The following RYK variants were observed in gnomAD, a reference collection of about 807,000 sequenced individuals.
The protein encoded by RYK is receptor like tyrosine kinase, also known as inactive tyrosine-protein kinase RYK.
In RYK, 21 loss-of-function variants were observed where a neutral mutation model predicts 70.2. That is an observed-to-expected ratio of 0.30 (90% CI 0.21 to 0.43). The LOEUF is 0.43. RYK is among the 20% of genes least tolerant of loss of function. The probability of loss-of-function intolerance (pLI) is 1.00; values close to 1 mark genes in which losing one functional copy is unlikely to be tolerated. For synonymous variants in RYK, 267 were observed against 278.0 expected (o/e 0.96, Z 0.39); for missense variants, 604 against 753.3 (o/e 0.80, Z 2.32).
In RYK at chr3:134,196,582, AACACACACACACACACACACACAC is replaced by A. The variant is rs57185535; in HGVS notation, c.789-1424_789-1401del. ...TAGTGAGACCCTGTCTCTGAAACAA[AACACACACACACACACACACACAC>A]ACACACACACACACACACACACGGC... On this transcript the variant is annotated intron_variant, in intron 6 of 14. Transcript: ENST00000623711. 9.3e-5 allele frequency among the ~76,000 whole-genome samples: 12 copies of A among 128,496 alleles called. 1 individual carries two copies. Among genetic ancestry groups the A allele is most frequent in the Admixed American group, 5.4e-4 (7 of 12,936 alleles). The allele number at this position is 128,496 out of a possible 152,430, so 84.3% of individuals were successfully genotyped here. A position where few individuals can be genotyped will look rare whatever the true frequency, so the allele number is the denominator to read the frequency against.
At chr3:134,200,822 G>C (rs2013988250) in intron 6 of RYK, among the ~76,000 whole-genome samples, 1 of 152,318 alleles carries the variant, frequency 6.6e-6, no homozygotes, top group Non-Finnish European at 1.5e-5. Context: ...ACTAGACTAT[G>C]CTCTGAAAAC....
At chr3:134,250,040 C>G (rs935015761) in intron 1 of RYK, among the ~76,000 whole-genome samples, 2 of 147,772 alleles carry the variant, frequency 1.4e-5, no homozygotes, top group Non-Finnish European at 3.0e-5. Flanking sequence ...TCGAGATATT[C>G]AAAATCGAGG....
intron 2 of RYK, among the ~76,000 whole-genome samples, chr3:134,219,784 G>C (rs745486115): frequency 6.6e-6 from 1 of 152,170 alleles, no homozygotes; most frequent in Non-Finnish European, 1.5e-5. Context: ...TGGTTATCCA[G>C]TGTAGGTCTG....
intron 1 of RYK, among the ~76,000 whole-genome samples, chr3:134,247,121 T>TA (rs368784462): frequency 2.3e-4 from 35 of 152,038 alleles, no homozygotes; most frequent in African/African-American, 8.0e-4. Context: ...CAAAAATGTA[T>TA]AAAAAAAATC....
intron 6 of RYK, chr3:134,202,462 T>G (rs564697712): frequency 6.7e-5 from 24 of 359,902 alleles, no homozygotes; most frequent in Admixed American, 2.9e-4. Flanking sequence ...TGAGGTAGAG[T>G]CATGTCAAAG....
intron 1 of RYK, among the ~76,000 whole-genome samples, chr3:134,230,413 A>G (rs1378203441): frequency 1.3e-5 from 2 of 152,178 alleles, no homozygotes; most frequent in Non-Finnish European, 2.9e-5. Context: ...CAATAGCCAA[A>G]ACTGGAAACA....
chr3:134,220,752 T>C (rs1196356965), intron 2 of RYK, among the ~76,000 whole-genome samples: 2 of 152,038 alleles, frequency 1.3e-5, no homozygotes, highest in African/African-American at 2.4e-5. Context: ...AAAGCAAAGA[T>C]TGAAAAATTT....
chr3:134,164,771 G>A (rs1454791919), intron 13 of RYK, among the ~76,000 whole-genome samples: 1 of 152,182 alleles, frequency 6.6e-6, no homozygotes, highest in East Asian at 1.9e-4. Flanking sequence ...GACTGAATAT[G>A]GTACATACAT....
chr3:134,213,707 A>T (rs937278751), intron 2 of RYK, among the ~76,000 whole-genome samples: 5 of 152,144 alleles, frequency 3.3e-5, no homozygotes, highest in African/African-American at 1.2e-4. Flanking sequence ...CCTGACCCTC[A>T]GGGCCTAGAC....
At chr3:134,207,283 T>C (rs1275659054) in intron 5 of RYK, among the ~76,000 whole-genome samples, 189 bp downstream of exon 5, 1 of 152,200 alleles carries the variant, frequency 6.6e-6, no homozygotes, top group African/African-American at 2.4e-5. Flanking sequence ...AAATTTTAGT[T>C]CTCAAAATAT....
intron 7 of RYK, among the ~76,000 whole-genome samples, chr3:134,193,403 T>C (rs546121844): frequency 1.1e-4 from 16 of 152,212 alleles, no homozygotes; most frequent in Non-Finnish European, 1.9e-4. Context: ...CAGGATGGTC[T>C]TGATCTCCTG....
intron 1 of RYK, among the ~76,000 whole-genome samples, chr3:134,242,708 C>G (rs1553712826): frequency 6.6e-6 from 1 of 152,202 alleles, no homozygotes; most frequent in Non-Finnish European, 1.5e-5. Flanking sequence ...TAAATACTCA[C>G]ATGTTTGATT....
intron 2 of RYK, among the ~76,000 whole-genome samples, chr3:134,214,027 G>A (rs2014481203): frequency 1.3e-5 from 2 of 151,924 alleles, no homozygotes; most frequent in South Asian, 4.2e-4. Flanking sequence ...GGATGGTCTC[G>A]AACTCCTGGC....
intron 10 of RYK, chr3:134,179,472 CGCTCAAGT>C (rs2013218175): frequency 6.6e-6 from 1 of 152,162 alleles, no homozygotes. Flanking sequence ...TCTCTATAAC[CGCTCAAGT>C]GGCAGCGATT....
intron 1 of RYK, among the ~76,000 whole-genome samples, chr3:134,244,177 T>C (rs1050503177): frequency 5.3e-5 from 8 of 152,156 alleles, no homozygotes; most frequent in African/African-American, 1.9e-4. Context: ...ACCACCACTG[T>C]TGGCATAACC....
At chr3:134,177,605 C>A (rs1284376378) in intron 11 of RYK, among the ~76,000 whole-genome samples, 1 of 152,214 alleles carries the variant, frequency 6.6e-6, no homozygotes, top group Non-Finnish European at 1.5e-5. Flanking sequence ...TCTAGAAAGT[C>A]TGTTTCCATT....
At chr3:134,189,557 G>C (rs1317685870) in intron 8 of RYK, among the ~76,000 whole-genome samples, 1 of 151,988 alleles carries the variant, frequency 6.6e-6, no homozygotes, top group Non-Finnish European at 1.5e-5. Context: ...TCAGGAGATT[G>C]AGACCATCGT....
intron 1 of RYK, among the ~76,000 whole-genome samples, chr3:134,237,911 T>C (rs2015232916): frequency 6.6e-6 from 1 of 152,222 alleles, no homozygotes; most frequent in Admixed American, 6.5e-5. Context: ...ACAGTGGTAA[T>C]ATGAGCCATT....
intron 2 of RYK, among the ~76,000 whole-genome samples, 177 bp downstream of exon 2, chr3:134,222,241 G>T (rs899870818): frequency 6.6e-6 from 1 of 152,190 alleles, no homozygotes; most frequent in Non-Finnish European, 1.5e-5. Context: ...AAGGATTCAA[G>T]AAATTTTAGA....
Sources: gnomAD v4.1 joint callset for allele counts (sites outside exome capture counted in the v4.1 genomes callset) on GRCh38, gnomAD v4.1.1 for gene constraint, MANE v1.5 for transcripts, NCBI Gene and HGNC (gene_info 2026-07-23, HGNC 2026-07-21) for gene names.